EPS15L1: variants seen among roughly 807,000 people sequenced by gnomAD.
EPS15L1 encodes epidermal growth factor receptor pathway substrate 15 like 1.
A neutral mutation model predicts 117.1 loss-of-function variants in EPS15L1; 43 were observed. That is an observed-to-expected ratio of 0.37 (90% CI 0.29 to 0.47). The LOEUF (loss-of-function observed/expected upper bound fraction) is 0.47. Among genes scored for constraint, EPS15L1 ranks in the 20% least tolerant of loss-of-function variants. EPS15L1 has a pLI of 0.99. For synonymous variants in EPS15L1, 459 were observed against 470.5 expected (o/e 0.98, Z 0.32); for missense variants, 981 against 1,164.0 (o/e 0.84, Z 2.29).
chr19:16,403,683 G>A (rs1278961910), intron 15 of EPS15L1, 50 bp downstream of exon 15: 3 of 1,553,802 alleles, frequency 1.9e-6, no homozygotes, highest in Admixed American at 1.7e-5. Flanking sequence ...CTCGGCTCTT[G>A]GGGCTCGCTG....
chr19:16,378,715 A>T (rs760770218), intron 21 of EPS15L1, among the ~76,000 whole-genome samples: 12 of 152,136 alleles, frequency 7.9e-5, no homozygotes, highest in Non-Finnish European at 1.5e-4. Flanking sequence ...GGCACAGGGG[A>T]GCCAGGGTCT....
At chr19:16,457,310 C>T (rs1307737680) in intron 1 of EPS15L1, among the ~76,000 whole-genome samples, 6 of 152,204 alleles carry the variant, frequency 3.9e-5, no homozygotes, top group African/African-American at 7.2e-5. Context: ...AGCACAGAGA[C>T]GGCTGCCAAG....
In EPS15L1 at chr19:16,365,394, T is replaced by C. The variant is rs771225621; in HGVS notation, c.2381-3410A>G. Among the ~76,000 whole-genome samples, 5 of 109,834 alleles carry C rather than the reference T, an allele frequency of 4.6e-5. No individual in the cohort carries two copies. The highest frequency in any genetic ancestry group is 1.7e-4 in the African/African-American group (5 of 28,578). 72.1% of individuals were successfully genotyped at this position (109,834 alleles called of 152,430 possible). A position where few individuals can be genotyped will look rare whatever the true frequency, so the allele number is the denominator to read the frequency against. On this transcript the variant is annotated intron_variant, in intron 22 of 23. Coordinates refer to ENST00000455140, the MANE Select transcript of EPS15L1 (RefSeq NM_001258374.3). This position sits in a 1 kb window ranked among gnomAD's most constrained non-coding sequence, Gnocchi z 4.9. ...AATGACTGTCTTCACTGAAAGAACT[T>C]AGGACACAGATCTACACACAGAACA...
intron 7 of EPS15L1, among the ~76,000 whole-genome samples, chr19:16,429,776 G>T (rs1233214623): frequency 6.6e-6 from 1 of 152,144 alleles, no homozygotes; most frequent in African/African-American, 2.4e-5. Flanking sequence ...GACTCCACGG[G>T]GACCTCCACC....
At chr19:16,355,903 C>A (rs1415644194) in intron 23 of EPS15L1, 52 bp from the exon 24 acceptor site, 3 of 1,523,576 alleles carry the variant, frequency 2.0e-6, no homozygotes, top group African/African-American at 1.4e-5. Context: ...CTGGGACCTG[C>A]AAGCTGGAGG....
intron 17 of EPS15L1, 150 bp downstream of exon 17, chr19:16,395,194 T>C (rs2092526607): frequency 2.7e-6 from 2 of 735,310 alleles, no homozygotes; most frequent in Non-Finnish European, 4.2e-6. Context: ...GAGCGAGAGT[T>C]CGTCTCCAAA....
intron 1 of EPS15L1, among the ~76,000 whole-genome samples, 171 bp from the exon 2 acceptor site, chr19:16,442,390 A>AT (rs1488114264): frequency 6.6e-6 from 1 of 152,206 alleles, no homozygotes; most frequent in Non-Finnish European, 1.5e-5. Context: ...TCAGACACAG[A>AT]TATTATTATG....
chr19:16,458,818 A>G (rs1412556134), intron 1 of EPS15L1, among the ~76,000 whole-genome samples: 1 of 152,172 alleles, frequency 6.6e-6, no homozygotes, highest in East Asian at 1.9e-4. Flanking sequence ...AGCTCTACTG[A>G]ACATATCGGG....
chr19:16,439,501 G>T (rs1274571932), intron 4 of EPS15L1, among the ~76,000 whole-genome samples: 1 of 151,992 alleles, frequency 6.6e-6, no homozygotes, highest in Non-Finnish European at 1.5e-5. Flanking sequence ...AGACCAACCT[G>T]GGCATAGTGA....
intron 4 of EPS15L1, 105 bp from the exon 5 acceptor site, chr19:16,437,970 C>T (rs1253395957): frequency 9.6e-6 from 8 of 830,844 alleles, no homozygotes; most frequent in African/African-American, 5.1e-5. Context: ...TGCACTTCAA[C>T]AATGAAGGCC....
Position 16,386,775 on chromosome 19 carries a change from G to C in EPS15L1, c.2104-544C>G, listed in dbSNP as rs556096844. Among the ~76,000 whole-genome samples the C allele has an allele frequency of 3.6e-4, 55 of 152,326 alleles. No individual in the cohort carries two copies. The South Asian group carries it at 3.9e-3, about 11-fold the overall frequency. On this transcript the variant is annotated intron_variant, in intron 19 of 23. Coordinates refer to ENST00000455140, the MANE Select transcript of EPS15L1 (RefSeq NM_001258374.3). ...TGCACACGCAAGCCTGGGGGGACTC[G>C]AGGCAGCCTGTAGCTGAGGCCACAA...
rs1468584896 is a variant in EPS15L1 at position 16,392,349 on chromosome 19, T to C, written c.2058A>G (p.Pro686=). The C allele has an allele frequency of 1.2e-6, 2 of 1,614,058 alleles. No homozygotes were observed. The highest frequency in any genetic ancestry group is 1.7e-5 in the Admixed American group (1 of 60,008). The change falls in exon 19 of 24, where the codon CCA becomes CCG. Residue 686 remains proline (P), a synonymous_variant. Coordinates refer to ENST00000455140, the MANE Select transcript of EPS15L1 (RefSeq NM_001258374.3). ...DFFKKQTKND[P]FTSDPFTKNP... ...TTTTCGTGAATGGATCCGAGGTAAA[T>C]GGGTCATTCTTTGTCTGTTTCTTGA...
chr19:16,407,064 C>A (rs2092663773), intron 13 of EPS15L1, among the ~76,000 whole-genome samples: 1 of 152,216 alleles, frequency 6.6e-6, no homozygotes, highest in African/African-American at 2.4e-5. Context: ...TCTTGGACTT[C>A]CCAGCCTCCT....
At chr19:16,369,885 C>G (rs1227161315) in intron 22 of EPS15L1, among the ~76,000 whole-genome samples, 1 of 152,234 alleles carries the variant, frequency 6.6e-6, no homozygotes, top group East Asian at 1.9e-4. Flanking sequence ...GCCCCATCCT[C>G]TGGGGGGATT....
intron 1 of EPS15L1, among the ~76,000 whole-genome samples, chr19:16,450,464 G>A (rs974418613): frequency 2.0e-5 from 3 of 149,284 alleles, no homozygotes; most frequent in Admixed American, 1.3e-4. Context: ...TGAGCCCCAG[G>A]CATGTCCATC....
chr19:16,441,777 C>G, intron 3 of EPS15L1, 115 bp downstream of exon 3: 1 of 755,626 alleles, frequency 1.3e-6, no homozygotes, highest in Non-Finnish European at 2.2e-6. Context: ...AGCGACCAGG[C>G]CACTACCCAG....
At chr19:16,461,876 A>G (rs958636823) in intron 1 of EPS15L1, among the ~76,000 whole-genome samples, 1 of 152,196 alleles carries the variant, frequency 6.6e-6, no homozygotes, top group African/African-American at 2.4e-5. Context: ...CCTTCTGTCA[A>G]CTACCCTCAA....
intron 1 of EPS15L1, among the ~76,000 whole-genome samples, chr19:16,444,360 G>A (rs755982639): frequency 1.3e-5 from 2 of 152,134 alleles, no homozygotes; most frequent in East Asian, 1.9e-4. Flanking sequence ...TGCCCCCCTC[G>A]TGCTTGGAGG....
At chr19:16,412,418 T>G (rs925592700) in intron 13 of EPS15L1, among the ~76,000 whole-genome samples, 4 of 151,860 alleles carry the variant, frequency 2.6e-5, no homozygotes, top group Admixed American at 2.6e-4. Flanking sequence ...GGGAATCGCT[T>G]GAACCCAGGA....
Sources: gnomAD v4.1 joint callset for allele counts (sites outside exome capture counted in the v4.1 genomes callset) on GRCh38, gnomAD v4.1.1 for gene constraint, Gnocchi (gnomAD v3.1) non-coding constraint, MANE v1.5 for transcripts, NCBI Gene and HGNC (gene_info 2026-07-23, HGNC 2026-07-21) for gene names.